Variants in RNF185 observed in about 807,000 individuals in gnomAD.
The protein encoded by RNF185 is ring finger protein 185, also known as E3 ubiquitin-protein ligase RNF185.
A neutral mutation model predicts 24.9 loss-of-function variants in RNF185; 13 were observed. That is an observed-to-expected ratio of 0.52 (90% CI 0.34 to 0.83). The LOEUF is 0.83. RNF185 is among the 40% of genes least tolerant of loss of function. The pLI, the probability that RNF185 is intolerant of heterozygous loss-of-function variation, is 0.01. For missense variants in RNF185, 184 were observed against 244.7 expected, an observed-to-expected ratio of 0.75 and a Z score of 1.65; for synonymous variants, 79 against 90.3, an observed-to-expected ratio of 0.88 and a Z score of 0.71.
chr22:31,195,457 T>G lies in RNF185; in HGVS notation c.196-12T>G. On this transcript the variant is annotated splice_polypyrimidine_tract_variant and intron_variant, in intron 3 of 6. Coordinates refer to ENST00000326132, the MANE Select transcript of RNF185 (RefSeq NM_152267.4). ...TGGGCCATCCACATGCATTTTTCTCTCCTGTTTGCAGTGGTTGGAGACCAG... is the reference window on the plus strand; with the variant it reads ...TGGGCCATCCACATGCATTTTTCTCGCCTGTTTGCAGTGGTTGGAGACCAG... 6.3e-7 allele frequency: 1 copy of G among 1,581,282 alleles called. No homozygotes were observed. Among genetic ancestry groups the G allele is most frequent in the South Asian group, 1.2e-5 (1 of 86,650 alleles).
chr22:31,198,292 G>C (rs1169904630), intron 5 of RNF185, among the ~76,000 whole-genome samples: 1 of 151,764 alleles, frequency 6.6e-6, no homozygotes, highest in African/African-American at 2.4e-5. Flanking sequence ...GGAACCCATT[G>C]AGTTTTGGTT....
At chr22:31,166,094 C>T (rs980978510) in intron 1 of RNF185, among the ~76,000 whole-genome samples, 1 of 152,086 alleles carries the variant, frequency 6.6e-6, no homozygotes, top group Non-Finnish European at 1.5e-5. Context: ...CAGATTCAAG[C>T]AATTCTCGTG....
intron 6 of RNF185, among the ~76,000 whole-genome samples, chr22:31,203,315 A>G (rs2147967993): frequency 6.6e-6 from 1 of 152,336 alleles, no homozygotes; most frequent in South Asian, 2.1e-4. Flanking sequence ...TTCTCACCCC[A>G]GTTCTGCCTC....
At chr22:31,195,662 C>A in intron 4 of RNF185, 81 bp downstream of exon 4, 1 of 855,324 alleles carries the variant, frequency 1.2e-6, no homozygotes, top group Non-Finnish European at 1.9e-6. Flanking sequence ...CTAACCCCAC[C>A]CTTTACTTAG....
chr22:31,190,353 C>G (rs2048144355), intron 2 of RNF185, among the ~76,000 whole-genome samples: 1 of 152,034 alleles, frequency 6.6e-6, no homozygotes. Context: ...GTGGCGTGAT[C>G]TTGGCTCACT....
Position 31,160,234 on chromosome 22 carries a change from C to A in RNF185, c.-118C>A, listed in dbSNP as rs572782608. The A allele has an allele frequency of 6.6e-6, 1 of 150,548 alleles. No homozygotes were observed. Among genetic ancestry groups the A allele is most frequent in the East Asian group, 2.0e-4 (1 of 4,994 alleles). The allele number at this position is 150,548 out of a possible 1,614,324, so 9.3% of individuals were successfully genotyped here. On this transcript the variant is annotated 5_prime_UTR_variant, in exon 1 of 7. Coordinates refer to ENST00000326132, the MANE Select transcript of RNF185 (RefSeq NM_152267.4). ...TCGGAGGTCTTACCCAACAGATTGACGCGGCGTTAGTATTGGCCGTGTACC... is the reference window on the plus strand; with the variant it reads ...TCGGAGGTCTTACCCAACAGATTGAAGCGGCGTTAGTATTGGCCGTGTACC...
intron 1 of RNF185, among the ~76,000 whole-genome samples, chr22:31,181,021 C>A (rs2048031241): frequency 6.6e-6 from 1 of 150,942 alleles, no homozygotes; most frequent in Non-Finnish European, 1.5e-5. Context: ...TTAGTTTTTA[C>A]CCAAATAAGT....
chr22:31,184,195 TCAGA>T (rs1302516525), intron 1 of RNF185, among the ~76,000 whole-genome samples: 1 of 147,228 alleles, frequency 6.8e-6, no homozygotes, highest in Non-Finnish European at 1.5e-5. Context: ...TCCTCACTTC[TCAGA>T]CAGGGTGGCA....
At chr22:31,188,981 C>T (rs2048126962) in intron 2 of RNF185, among the ~76,000 whole-genome samples, 2 of 135,762 alleles carry the variant, frequency 1.5e-5, no homozygotes, top group African/African-American at 2.7e-5. Context: ...AAAAAATTAG[C>T]CGGGTGTGGT....
intron 1 of RNF185, among the ~76,000 whole-genome samples, chr22:31,165,680 C>T (rs1923876719): frequency 6.6e-6 from 1 of 152,156 alleles, no homozygotes; most frequent in Non-Finnish European, 1.5e-5. Flanking sequence ...GTTGGAGTGG[C>T]CATGGGCAAG....
chr22:31,167,970 T>A (rs1423964297), intron 1 of RNF185, among the ~76,000 whole-genome samples: 1 of 152,206 alleles, frequency 6.6e-6, no homozygotes, highest in Non-Finnish European at 1.5e-5. Context: ...ACCATTTTTT[T>A]AAATGTACAG....
intron 4 of RNF185, 88 bp from the exon 5 acceptor site, chr22:31,196,848 G>A (rs1038306107): frequency 3.2e-6 from 5 of 1,560,972 alleles, no homozygotes; most frequent in Non-Finnish European, 4.3e-6. Context: ...CTATGGCCCT[G>A]ACCCTGTTGG....
intron 1 of RNF185, among the ~76,000 whole-genome samples, chr22:31,185,460 G>T (rs930525459): frequency 1.3e-5 from 2 of 152,150 alleles, no homozygotes; most frequent in African/African-American, 2.4e-5. Flanking sequence ...TGAAGGGGCC[G>T]CTTGTTTTGG....
intron 5 of RNF185, among the ~76,000 whole-genome samples, chr22:31,199,329 G>A (rs2048239275): frequency 1.3e-5 from 2 of 152,148 alleles, no homozygotes; most frequent in Admixed American, 6.5e-5. Context: ...GTACAGTGCT[G>A]AAACCCAGAT....
Position 31,195,550 on chromosome 22 carries a change from G to C in RNF185, c.277G>C (p.Gly93Arg). The C allele has an allele frequency of 6.2e-7, 1 of 1,609,922 alleles. No homozygotes were observed. ...CCGAGACAAGGTCATCCCCCTCTAT[G>C]GAAGGGGCAGCACTGGGCAACAGGA... Reference protein sequence around the residue: ...ISRDKVIPLYGRGSTGQQDPR... With the variant: ...ISRDKVIPLYRRGSTGQQDPR... The change falls in exon 4 of 7, where the codon GGA becomes CGA. Residue 93 changes from glycine to arginine, a missense_variant. Transcript: ENST00000326132.
At chr22:31,191,213 C>T (rs758551128) in intron 2 of RNF185, among the ~76,000 whole-genome samples, 151 of 152,302 alleles carry the variant, frequency 9.9e-4, no homozygotes, top group Non-Finnish European at 1.8e-3. Context: ...ATTCATTCAC[C>T]TCCACTTCTC....
At chr22:31,178,030 T>G (rs1243326041) in intron 1 of RNF185, among the ~76,000 whole-genome samples, 1 of 152,178 alleles carries the variant, frequency 6.6e-6, no homozygotes, top group Non-Finnish European at 1.5e-5. Context: ...GGTAATATAT[T>G]GAAGATACTG....
intron 3 of RNF185, among the ~76,000 whole-genome samples, chr22:31,195,211 C>G (rs1379844212): frequency 6.6e-6 from 1 of 152,190 alleles, no homozygotes; most frequent in African/African-American, 2.4e-5. Flanking sequence ...CCTCCGCCTC[C>G]CAAAGCGCTG....
chr22:31,162,427 A>C (rs1476938908), intron 1 of RNF185, among the ~76,000 whole-genome samples: 1 of 152,154 alleles, frequency 6.6e-6, no homozygotes, highest in South Asian at 2.1e-4. Context: ...ACTGGTCTGA[A>C]GAAGTGGCTC....
Sources: gnomAD v4.1 joint callset for allele counts (sites outside exome capture counted in the v4.1 genomes callset) on GRCh38, gnomAD v4.1.1 for gene constraint, MANE v1.5 for transcripts, NCBI Gene and HGNC (gene_info 2026-07-23, HGNC 2026-07-21) for gene names.